Variants in DYRK1A observed in about 807,000 individuals in gnomAD.
The protein encoded by DYRK1A is dual specificity tyrosine phosphorylation regulated kinase 1A.
Under a neutral mutation model 79.7 loss-of-function variants are expected in DYRK1A, and 9 were observed. The ratio of observed to expected loss-of-function variants is 0.11; its 90% CI spans 0.07 to 0.20. The LOEUF is 0.20. Among genes scored for constraint, DYRK1A ranks in the 10% least tolerant of loss-of-function variants. The pLI, the probability that DYRK1A is intolerant of heterozygous loss-of-function variation, is 1.00. For missense variants in DYRK1A, 622 were observed against 956.0 expected (o/e 0.65, Z 4.61); for synonymous variants, 349 against 329.7 (o/e 1.06, Z -0.63).
rs540790475 is a variant in DYRK1A at position 37,417,499 on chromosome 21, T to A, written c.-76-2800T>A. ...CCACTGCTCCCGGCCTTGTATTTTT[T>A]ATTTTTCTTTTCTTTTTCTTTTTCT... On this transcript the variant is annotated intron_variant, in intron 1 of 11. Coordinates refer to ENST00000647188, the MANE Select transcript of DYRK1A (RefSeq NM_001347721.2). Among the ~76,000 whole-genome samples the A allele has an allele frequency of 1.0e-2, 1,231 of 123,464 alleles. 15 individuals are homozygous for A. Among genetic ancestry groups the A allele is most frequent in the African/African-American group, 0.034 (1,181 of 35,060 alleles). The allele number at this position is 123,464 out of a possible 152,430, so 81.0% of individuals were successfully genotyped here.
At chr21:37,491,992 T>C (rs1436373679) in intron 7 of DYRK1A, among the ~76,000 whole-genome samples, 1 of 152,172 alleles carries the variant, frequency 6.6e-6, no homozygotes, top group Non-Finnish European at 1.5e-5. Flanking sequence ...CAAGTGTGTT[T>C]TGGGGAAAGC....
chr21:37,509,492 G>T (rs2053692789), intron 11 of DYRK1A, among the ~76,000 whole-genome samples: 1 of 152,090 alleles, frequency 6.6e-6, no homozygotes, highest in Non-Finnish European at 1.5e-5. Flanking sequence ...TTTAGCCCAG[G>T]CTGGAGTGCA....
chr21:37,459,319 A>T (rs2051762340), intron 2 of DYRK1A, among the ~76,000 whole-genome samples: 1 of 152,244 alleles, frequency 6.6e-6, no homozygotes, highest in African/African-American at 2.4e-5. Context: ...TTATGTATTT[A>T]TGAAAGTTAA....
At chr21:37,500,787 T>C (rs1433283953) in intron 9 of DYRK1A, among the ~76,000 whole-genome samples, 1 of 151,992 alleles carries the variant, frequency 6.6e-6, no homozygotes, top group Non-Finnish European at 1.5e-5. Flanking sequence ...TTTTAATATC[T>C]AGAGAATCTG....
Position 37,403,646 on chromosome 21 carries a change from AAAAT to A in DYRK1A, c.-76-16651_-76-16648del, listed in dbSNP as rs1300204433. Among the ~76,000 whole-genome samples, 172 of 96,534 alleles carry A rather than the reference AAAAT, an allele frequency of 1.8e-3. 2 individuals carry two copies. Among genetic ancestry groups the A allele is most frequent in the Admixed American group, 3.8e-3 (37 of 9,708 alleles). 63.3% of individuals were successfully genotyped at this position (96,534 alleles called of 152,430 possible). A position where few individuals can be genotyped will look rare whatever the true frequency, so the allele number is the denominator to read the frequency against. The stretch of plus-strand genomic sequence containing the variant: ...ATGCTCAGCTAATTAAAAAAAAAAA[AAAAT>A]ATATATATATATATGTGTGTGTGTG... On this transcript the variant is annotated intron_variant, in intron 1 of 11. Coordinates refer to ENST00000647188, the MANE Select transcript of DYRK1A (RefSeq NM_001347721.2).
chr21:37,417,538 T>TTCTTTTTCTTTTTCTTTTTTTTTTTTC (rs372913876), intron 1 of DYRK1A, among the ~76,000 whole-genome samples: 1 of 99,896 alleles, frequency 1.0e-5, no homozygotes, highest in Admixed American at 1.0e-4. Context: ...TCTTTTTTTT[T>TTCTTTTTCTTTTTCTTTTTTTTTTTTC]TTTTTTTTTT....
At chr21:37,370,088 T>C (rs554890801) in intron 1 of DYRK1A, among the ~76,000 whole-genome samples, 6 of 152,262 alleles carry the variant, frequency 3.9e-5, no homozygotes, top group African/African-American at 4.8e-5. Context: ...CTTAAAGATA[T>C]GGGGGTGGAG....
At chr21:37,374,416 A>G (rs752402086) in intron 1 of DYRK1A, among the ~76,000 whole-genome samples, 2 of 151,328 alleles carry the variant, frequency 1.3e-5, no homozygotes, top group African/African-American at 2.4e-5. Flanking sequence ...CCCTTAAACT[A>G]TGAAATATTA....
At chr21:37,452,398 G>A (rs1349424922) in intron 2 of DYRK1A, among the ~76,000 whole-genome samples, 1 of 152,140 alleles carries the variant, frequency 6.6e-6, no homozygotes, top group Non-Finnish European at 1.5e-5. Flanking sequence ...GAGCGAATAA[G>A]ATTGAGGTTT....
intron 2 of DYRK1A, among the ~76,000 whole-genome samples, chr21:37,432,505 A>G (rs890881208): frequency 6.6e-6 from 1 of 152,236 alleles, no homozygotes; most frequent in Non-Finnish European, 1.5e-5. Context: ...AAACTTGACC[A>G]AGGTAGTCAT....
At chr21:37,447,897 G>A (rs568484952) in intron 2 of DYRK1A, among the ~76,000 whole-genome samples, 13 of 151,758 alleles carry the variant, frequency 8.6e-5, no homozygotes, top group Non-Finnish European at 8.9e-5. Flanking sequence ...TGTGAATTGT[G>A]GCGATTAAAA....
chr21:37,474,140 T>G (rs1255141009), intron 3 of DYRK1A, among the ~76,000 whole-genome samples: 1 of 152,236 alleles, frequency 6.6e-6, no homozygotes, highest in Non-Finnish European at 1.5e-5. Context: ...GGGTCCAGCC[T>G]GGGCTTCCTT....
In DYRK1A at chr21:37,517,445, T is replaced by C. The variant is rs966646801; in HGVS notation, c.*4914T>C. ...AATCTTCCCGATTAAATTTCTAAAA[T>C]TGCTACTTTGGGAATTTTTTTCTTT... On this transcript the variant is annotated 3_prime_UTR_variant, in exon 12 of 12. Transcript: ENST00000647188. 1.3e-5 allele frequency: 2 copies of C among 152,236 alleles called. No homozygotes were observed. Among genetic ancestry groups the C allele is most frequent in the Non-Finnish European group, 2.9e-5 (2 of 68,046 alleles). The allele number at this position is 152,236 out of a possible 1,614,324, so 9.4% of individuals were successfully genotyped here.
chr21:37,470,314 A>G (rs2052179101), intron 2 of DYRK1A, among the ~76,000 whole-genome samples: 2 of 152,148 alleles, frequency 1.3e-5, no homozygotes, highest in African/African-American at 4.8e-5. Context: ...TATGATAGTA[A>G]TTTAAGCTTT....
chr21:37,483,828 G>T (rs183544876), intron 5 of DYRK1A, among the ~76,000 whole-genome samples: 3 of 151,888 alleles, frequency 2.0e-5, no homozygotes, highest in Admixed American at 6.6e-5. Context: ...ACCAGTCCTC[G>T]CATCTCAGCT....
chr21:37,519,049 A>G lies in DYRK1A; in HGVS notation c.*6518A>G, dbSNP rs1412574855. On this transcript the variant is annotated 3_prime_UTR_variant, in exon 12 of 12. Transcript: ENST00000647188. ...AAGGCAGAAATTGCCAGATGTAAGT[A>G]TATAAAACTTACACAGTTTGTTCCT... is the stretch of plus-strand genomic sequence containing the variant. 1.3e-5 allele frequency: 2 copies of G among 152,244 alleles called. No homozygotes were observed. Among genetic ancestry groups the G allele is most frequent in the Admixed American group, 1.3e-4 (2 of 15,288 alleles). The allele number at this position is 152,244 out of a possible 1,614,324, so 9.4% of individuals were successfully genotyped here. A position where few individuals can be genotyped will look rare whatever the true frequency, so the allele number is the denominator to read the frequency against.
intron 6 of DYRK1A, 46 bp from the exon 7 acceptor site, chr21:37,490,129 G>C: frequency 6.5e-7 from 1 of 1,548,822 alleles, no homozygotes; most frequent in Non-Finnish European, 8.8e-7. Flanking sequence ...GTTACTCTCA[G>C]TTTATTGGTA....
chr21:37,502,471 G>C (rs2053479043), intron 9 of DYRK1A: 2 of 152,076 alleles, frequency 1.3e-5, no homozygotes, highest in South Asian at 4.1e-4. Context: ...TTTAACATTA[G>C]TTTACCTTCA....
At chr21:37,384,162 T>A (rs1057362747) in intron 1 of DYRK1A, among the ~76,000 whole-genome samples, 4 of 151,890 alleles carry the variant, frequency 2.6e-5, no homozygotes, top group Admixed American at 2.6e-4. Context: ...AAAACAAAGA[T>A]TGGAGTTAGG....
Sources: gnomAD v4.1 joint callset for allele counts (sites outside exome capture counted in the v4.1 genomes callset) on GRCh38, gnomAD v4.1.1 for gene constraint, MANE v1.5 for transcripts, NCBI Gene and HGNC (gene_info 2026-07-23, HGNC 2026-07-21) for gene names.